The following GFRAL variants were observed in gnomAD, a reference collection of about 807,000 sequenced individuals.
GFRAL encodes the protein GDNF family receptor alpha like, also known as GDNF family receptor alpha-like.
Under a neutral mutation model 45.4 loss-of-function variants are expected in GFRAL, and 36 were observed. The observed-to-expected ratio is 0.79, with a 90% CI of 0.61 to 1.05. GFRAL has a LOEUF of 1.05. GFRAL is among the 50% of genes least tolerant of loss of function. The probability of loss-of-function intolerance (pLI) is 0.00; values close to 1 mark genes in which losing one functional copy is unlikely to be tolerated. For missense variants in GFRAL, 507 were observed against 467.5 expected, an observed-to-expected ratio of 1.08 and a Z score of -0.78; for synonymous variants, 166 against 154.1, an observed-to-expected ratio of 1.08 and a Z score of -0.57.
At chr6:55,334,708 A>C (rs1353889757) in intron 3 of GFRAL, among the ~76,000 whole-genome samples, 1 of 152,118 alleles carries the variant, frequency 6.6e-6, no homozygotes, top group Non-Finnish European at 1.5e-5. Context: ...CAACCCATTC[A>C]ACCATCCGTT....
intron 6 of GFRAL, among the ~76,000 whole-genome samples, chr6:55,392,414 T>C (rs960270129): frequency 2.6e-5 from 4 of 152,212 alleles, no homozygotes; most frequent in African/African-American, 9.6e-5. Flanking sequence ...TTTCATCACA[T>C]TGTTATGTGG....
At chr6:55,389,920 A>T (rs958232720) in intron 6 of GFRAL, among the ~76,000 whole-genome samples, 1 of 152,252 alleles carries the variant, frequency 6.6e-6, no homozygotes, top group Admixed American at 6.5e-5. Flanking sequence ...TTTAAATCTC[A>T]GTAGAGATAA....
chr6:55,376,957 T>A (rs1768543178), intron 6 of GFRAL, among the ~76,000 whole-genome samples: 1 of 151,954 alleles, frequency 6.6e-6, no homozygotes, highest in Non-Finnish European at 1.5e-5. Flanking sequence ...TTTTTCAATG[T>A]TAGGGGATCC....
chr6:55,376,406 A>G (rs1768535098), intron 6 of GFRAL, among the ~76,000 whole-genome samples: 1 of 151,916 alleles, frequency 6.6e-6, no homozygotes, highest in Non-Finnish European at 1.5e-5. Context: ...TTCCTTTTCA[A>G]TTTTTTGGAA....
At chr6:55,361,264 G>C (rs960125870) in intron 6 of GFRAL, among the ~76,000 whole-genome samples, 1 of 151,892 alleles carries the variant, frequency 6.6e-6, no homozygotes, top group Admixed American at 6.6e-5. Flanking sequence ...CACAGTTCTT[G>C]GTAGAATTGT....
intron 1 of GFRAL, among the ~76,000 whole-genome samples, 194 bp downstream of exon 1, chr6:55,327,770 A>G (rs1329592605): frequency 6.6e-6 from 1 of 152,018 alleles, no homozygotes. Context: ...TTCTAACTCT[A>G]TAGATAATGC....
At chr6:55,401,415 A>G (rs751783223) in intron 8 of GFRAL, among the ~76,000 whole-genome samples, 6 of 152,336 alleles carry the variant, frequency 3.9e-5, no homozygotes, top group South Asian at 2.1e-4. Context: ...GACATTGTTC[A>G]CTCACCTGAT....
At chr6:55,393,406 A>C (rs1768779810) in intron 6 of GFRAL, among the ~76,000 whole-genome samples, 1 of 152,166 alleles carries the variant, frequency 6.6e-6, no homozygotes, top group Admixed American at 6.6e-5. Flanking sequence ...TAATTCTAAA[A>C]ACTCTGCCTC....
chr6:55,340,950 C>T (rs1767955988), intron 3 of GFRAL, among the ~76,000 whole-genome samples: 1 of 152,214 alleles, frequency 6.6e-6, no homozygotes, highest in Non-Finnish European at 1.5e-5. Context: ...TGAGATCAAA[C>T]TGCAAGGCAG....
chr6:55,358,776 T>C, intron 5 of GFRAL, 112 bp from the exon 6 acceptor site: 2 of 911,662 alleles, frequency 2.2e-6, no homozygotes, highest in East Asian at 2.5e-5. Context: ...AACTATGTAC[T>C]GGCATCTCGA....
At chr6:55,341,343 G>A (rs934087886) in intron 3 of GFRAL, among the ~76,000 whole-genome samples, 15 of 152,256 alleles carry the variant, frequency 9.9e-5, no homozygotes, top group African/African-American at 3.6e-4. Flanking sequence ...GGAACGATCA[G>A]ACAACAACAT....
At chr6:55,333,722 G>A in intron 2 of GFRAL, 64 bp from the exon 3 acceptor site, 1 of 1,021,584 alleles carries the variant, frequency 9.8e-7, no homozygotes. Flanking sequence ...AAAGTACTTT[G>A]GGGAGGAAGA....
intron 6 of GFRAL, among the ~76,000 whole-genome samples, chr6:55,382,752 G>A (rs1333563447): frequency 2.6e-5 from 4 of 151,928 alleles, no homozygotes; most frequent in East Asian, 1.9e-4. Flanking sequence ...TACAAGATAA[G>A]TAACCATAAA....
intron 2 of GFRAL, among the ~76,000 whole-genome samples, chr6:55,332,584 C>A (rs1023411373): frequency 1.3e-5 from 2 of 151,782 alleles, no homozygotes; most frequent in African/African-American, 4.8e-5. Context: ...CCACCATGCC[C>A]AGCTAATTTT....
At chr6:55,390,933 C>CACACA (rs1554136537) in intron 6 of GFRAL, among the ~76,000 whole-genome samples, 4 of 123,674 alleles carry the variant, frequency 3.2e-5, no homozygotes, top group Admixed American at 2.3e-4. Flanking sequence ...CACACACACA[C>CACACA]AAGTAGTGGT....
intron 6 of GFRAL, among the ~76,000 whole-genome samples, chr6:55,369,435 A>T (rs574610892): frequency 2.6e-5 from 4 of 152,336 alleles, no homozygotes; most frequent in African/African-American, 7.2e-5. Context: ...TGTAGACCGG[A>T]GCTGTTCCTA....
chr6:55,386,389 A>C (rs1487196748), intron 6 of GFRAL, among the ~76,000 whole-genome samples: 1 of 152,168 alleles, frequency 6.6e-6, no homozygotes, highest in Non-Finnish European at 1.5e-5. Flanking sequence ...GTCATCTACA[A>C]ATCCAGTATG....
intron 3 of GFRAL, among the ~76,000 whole-genome samples, chr6:55,346,177 C>A (rs1229627470): frequency 1.3e-5 from 2 of 152,116 alleles, no homozygotes; most frequent in Non-Finnish European, 2.9e-5. Flanking sequence ...TTGACCCAAC[C>A]ATCCCATTAC....
intron 6 of GFRAL, among the ~76,000 whole-genome samples, chr6:55,376,268 A>G (rs114276624): frequency 0.025 from 3,869 of 151,914 alleles, 88 homozygotes; most frequent in Admixed American, 0.044. Flanking sequence ...GCCAATATTT[A>G]ATTGAAGATT....
Sources: allele counts gnomAD v4.1 joint callset (sites outside exome capture counted in the v4.1 genomes callset), GRCh38; gene constraint gnomAD v4.1.1; transcripts MANE v1.5; gene names NCBI Gene and HGNC (gene_info 2026-07-23, HGNC 2026-07-21).